The following HEPH variants were observed in gnomAD, a reference collection of about 807,000 sequenced individuals.
HEPH encodes hephaestin.
HEPH carries 69 observed loss-of-function variants against 80.8 expected under a neutral mutation model. The observed-to-expected ratio is 0.85, with a 90% CI of 0.70 to 1.04. HEPH has a LOEUF of 1.04. Ranked by LOEUF, HEPH falls within the 50% of genes least tolerant of loss-of-function variation. The pLI is 0.00. For missense variants in HEPH, 1,115 were observed against 891.3 expected, an observed-to-expected ratio of 1.25 and a Z score of -3.20; for synonymous variants, 431 against 322.8, an observed-to-expected ratio of 1.34 and a Z score of -3.60.
At chrX:66,264,393 GTTC>G (rs2091466050) in intron 20 of HEPH, among the ~76,000 whole-genome samples, 1 of 108,930 alleles carries the variant, frequency 9.2e-6, no homozygotes, top group Non-Finnish European at 1.9e-5. Flanking sequence ...AACACCATAT[GTTC>G]TTCAACAGCT....
At chrX:66,171,804 T>C (rs2086605320) in intron 2 of HEPH, among the ~76,000 whole-genome samples, 1 of 112,289 alleles carries the variant, frequency 8.9e-6, no homozygotes. Context: ...TTTGAATTTT[T>C]TTTTTTTAGT....
chrX:66,202,006 G>GGCACTTTAAAAAGAGGCATTTTAA (rs1279151693), intron 12 of HEPH, among the ~76,000 whole-genome samples: 2 of 112,098 alleles, frequency 1.8e-5, no homozygotes, highest in African/African-American at 6.5e-5. Context: ...TTTTAAAAGA[G>GGCACTTTAAAAAGAGGCATTTTAA]AGGGGCACTT....
At chrX:66,177,153 C>T (rs188358491) in intron 4 of HEPH, among the ~76,000 whole-genome samples, 239 of 111,557 alleles carry the variant, frequency 2.1e-3, no homozygotes, top group Middle Eastern at 4.6e-3. Flanking sequence ...AAAAAGTGGG[C>T]GAAGGATATG....
chrX:66,207,217 A>G lies in HEPH; in HGVS notation c.2314A>G (p.Asn772Asp). The G allele has an allele frequency of 8.3e-7, 1 of 1,207,461 alleles. No homozygotes were observed. The highest frequency in any genetic ancestry group is 1.1e-6 in the Non-Finnish European group (1 of 893,210). The change falls in exon 14 of 21, where the codon AAC becomes GAC. Residue 772 changes from asparagine (N) to aspartate (D), a missense_variant. Asn to Asp is a conservative substitution (Grantham distance 23, BLOSUM62 1). This residue lies in a region of HEPH where 716 missense variants were observed against 523.5 expected (regional missense o/e 1.37). Transcript: ENST00000343002. ...KDSYGYIFLS[N>D]KDGLLGSRYK... The stretch of plus-strand genomic sequence containing the variant: ...TAGTTATGGTTACATTTTCCTGAGC[A>G]ACAAGGATGGGCTCCTGGGTTCCAG...
chrX:66,225,176 A>G (rs983281112), intron 15 of HEPH, among the ~76,000 whole-genome samples: 2 of 111,553 alleles, frequency 1.8e-5, no homozygotes, highest in Non-Finnish European at 3.8e-5. Context: ...AGTCTATCTT[A>G]CAAAAAGTTT....
intron 17 of HEPH, among the ~76,000 whole-genome samples, chrX:66,257,726 G>T (rs1283280534): frequency 1.8e-5 from 2 of 112,066 alleles, no homozygotes; most frequent in African/African-American, 6.5e-5. Context: ...ATAAGAGGCT[G>T]AGTTGATCAT....
chrX:66,194,812 C>T (rs1193452486), intron 8 of HEPH, among the ~76,000 whole-genome samples: 1 of 111,440 alleles, frequency 9.0e-6, no homozygotes, highest in Non-Finnish European at 1.9e-5. Flanking sequence ...AATTCCACTT[C>T]TCTCAGCTGA....
chrX:66,203,291 G>A, intron 12 of HEPH, 73 bp from the exon 13 acceptor site: 1 of 929,586 alleles, frequency 1.1e-6, no homozygotes, highest in Non-Finnish European at 1.5e-6. Context: ...TATGCCTAGG[G>A]AAAGGCAGGA....
chrX:66,182,015 T>C (rs1190644597), intron 4 of HEPH, among the ~76,000 whole-genome samples: 75 of 108,818 alleles, frequency 6.9e-4, no homozygotes, highest in Middle Eastern at 4.7e-3. Context: ...GTTGTAGATA[T>C]GCGGCATTAT....
At chrX:66,204,764 A>T (rs187700501) in intron 13 of HEPH, among the ~76,000 whole-genome samples, 1 of 112,161 alleles carries the variant, frequency 8.9e-6, no homozygotes, top group African/African-American at 3.2e-5. Flanking sequence ...AGTTCCTCTC[A>T]CTTGTTTCTG....
chrX:66,165,444 C>T (rs1395079647), intron 1 of HEPH, among the ~76,000 whole-genome samples: 3 of 111,576 alleles, frequency 2.7e-5, no homozygotes, highest in African/African-American at 9.8e-5. Flanking sequence ...AAAGATGGCT[C>T]AGCATTCCTT....
intron 3 of HEPH, among the ~76,000 whole-genome samples, chrX:66,173,387 A>G (rs2086670622): frequency 8.9e-6 from 1 of 111,972 alleles, no homozygotes; most frequent in African/African-American, 3.3e-5. Flanking sequence ...CCCATTGTTA[A>G]TGTGAGGACT....
chrX:66,222,973 A>T (rs2089717338), intron 15 of HEPH, among the ~76,000 whole-genome samples: 1 of 111,504 alleles, frequency 9.0e-6, no homozygotes, highest in Non-Finnish European at 1.9e-5. Flanking sequence ...TTTTCCCCTG[A>T]GACTGCAGTC....
intron 15 of HEPH, among the ~76,000 whole-genome samples, chrX:66,231,675 G>A (rs2090150076): frequency 9.2e-6 from 1 of 109,189 alleles, no homozygotes; most frequent in South Asian, 4.0e-4. Flanking sequence ...AGGAGATTTT[G>A]GGCTGAGACA....
At chrX:66,249,856 A>G (rs756140074) in intron 15 of HEPH, among the ~76,000 whole-genome samples, 1 of 111,651 alleles carries the variant, frequency 9.0e-6, no homozygotes. Context: ...GAAGAAATAA[A>G]CTTTGAGGAC....
At chrX:66,254,586 C>T (rs970643673) in intron 15 of HEPH, among the ~76,000 whole-genome samples, 2 of 110,235 alleles carry the variant, frequency 1.8e-5, no homozygotes, top group East Asian at 2.9e-4. Context: ...TAAGAGTCAT[C>T]GATGCACAGA....
At chrX:66,237,645 C>A (rs960010744) in intron 15 of HEPH, among the ~76,000 whole-genome samples, 1 of 112,034 alleles carries the variant, frequency 8.9e-6, no homozygotes, top group Non-Finnish European at 1.9e-5. Context: ...TCCATTTTAT[C>A]CAGTGCTGAG....
intron 9 of HEPH, among the ~76,000 whole-genome samples, chrX:66,196,477 A>G (rs1342211319): frequency 8.9e-6 from 1 of 112,375 alleles, no homozygotes; most frequent in East Asian, 2.8e-4. Flanking sequence ...GCCCCTTGTT[A>G]TAAGCTATAC....
chrX:66,266,448 C>A lies in HEPH; in HGVS notation c.3253C>A (p.Pro1085Thr). Residue 1085 changes from proline to threonine, a missense_variant, in exon 21 of 21, where the codon CCC becomes ACC. Physicochemically the swap from Pro to Thr is conservative, Grantham distance 38. Coordinates refer to ENST00000343002, the MANE Select transcript of HEPH (RefSeq NM_001367233.3). Reference protein sequence around the residue: ...ITKETEKAVPPRDIEEGNVKM... With the variant: ...ITKETEKAVPTRDIEEGNVKM... ...TTTTTTCTCCATTTCAGCAGTGCCC[C>A]CCAGAGACATTGAAGAAGGCAATGT... is the stretch of plus-strand genomic sequence containing the variant. The A allele has an allele frequency of 8.3e-7, 1 of 1,208,210 alleles. No homozygotes were observed. The highest frequency in any genetic ancestry group is 1.1e-6 in the Non-Finnish European group (1 of 893,349).
Sources: allele counts gnomAD v4.1 joint callset (sites outside exome capture counted in the v4.1 genomes callset), GRCh38; gene constraint gnomAD v4.1.1; regional missense constraint gnomAD v4.1.1; transcripts MANE v1.5; gene names NCBI Gene and HGNC (gene_info 2026-07-23, HGNC 2026-07-21).